Variants in CTSC observed in about 807,000 individuals in gnomAD.
CTSC encodes the protein dipeptidyl peptidase 1.
In CTSC, 37 loss-of-function variants were observed where a neutral mutation model predicts 40.9. That is an observed-to-expected ratio of 0.91 (90% CI 0.70 to 1.19). The LOEUF is 1.19. Ranked by LOEUF, CTSC falls within the 50% of genes most tolerant of loss-of-function variation. The probability of loss-of-function intolerance (pLI) is 0.00; values close to 1 mark genes in which losing one functional copy is unlikely to be tolerated. For missense variants in CTSC, 594 were observed against 567.3 expected (o/e 1.05, Z -0.48); for synonymous variants, 232 against 207.4 (o/e 1.12, Z -1.02).
intron 1 of CTSC, 120 bp downstream of exon 1, chr11:88,337,381 C>CAAGAT: frequency 9.4e-7 from 1 of 1,061,310 alleles, no homozygotes; most frequent in Non-Finnish European, 1.4e-6. Flanking sequence ...CGAATCCAGT[C>CAAGAT]AAGATGCTCT....
intron 2 of CTSC, among the ~76,000 whole-genome samples, chr11:88,330,138 T>C (rs1565264684): frequency 6.6e-6 from 1 of 152,190 alleles, no homozygotes; most frequent in Non-Finnish European, 1.5e-5. Flanking sequence ...TGTCTTTTGT[T>C]TTGGCCAGCC....
At position 88,309,309 on chromosome 11, in the gene CTSC, A is replaced by C. The variant is rs766931085; in HGVS notation, c.495T>G (p.Asn165Lys). 6.2e-7 allele frequency: 1 copy of C among 1,613,486 alleles called. No individual in the cohort carries two copies. The highest frequency in any genetic ancestry group is 8.5e-7 in the Non-Finnish European group (1 of 1,179,422). The part of the protein sequence containing the change: ...HLKNSQEKYS[N>K]RLYKYDHNFV... ...AGTTGTGATCATACTTGTAGAGCCT[A>C]TTAGAATACCTGTCCCCAAAAATGA... The change falls in exon 4 of 7, where the codon AAT becomes AAG. Residue 165 changes from asparagine (N) to lysine (K), a missense_variant. By Grantham distance (94) the Asn-to-Lys change is moderately conservative (BLOSUM62 0). Transcript: ENST00000227266.
At chr11:88,305,155 G>T (rs948027657) in intron 4 of CTSC, among the ~76,000 whole-genome samples, 1 of 151,960 alleles carries the variant, frequency 6.6e-6, no homozygotes, top group Non-Finnish European at 1.5e-5. Flanking sequence ...TCTAAAAAGG[G>T]GAGGCATGAA....
intron 4 of CTSC, 23 bp from the exon 5 acceptor site, chr11:88,300,668 A>G (rs1591222482): frequency 2.8e-5 from 37 of 1,307,140 alleles, no homozygotes; most frequent in Non-Finnish European, 4.0e-5. Flanking sequence ...TATACATTTG[A>G]TATCAACATA....
chr11:88,298,625 A>G lies in CTSC; in HGVS notation c.757+1905T>C, dbSNP rs149350305. On this transcript the variant is annotated intron_variant, in intron 5 of 6. Coordinates refer to ENST00000227266, the MANE Select transcript of CTSC (RefSeq NM_001814.6). The stretch of plus-strand genomic sequence containing the variant: ...CCAACTTACAGTATAGAATACCAAA[A>G]GAAAGTCAAAAGAGGAAACTTTAAG... 2.7e-3 allele frequency: 411 copies of G among 152,336 alleles called. 2 individuals are homozygous for G. Among genetic ancestry groups the G allele is most frequent in the African/African-American group, 9.5e-3 (394 of 41,592 alleles). The allele number at this position is 152,336 out of a possible 1,614,324, so 9.4% of individuals were successfully genotyped here.
intron 4 of CTSC, among the ~76,000 whole-genome samples, chr11:88,306,744 C>G (rs935298278): frequency 5.9e-5 from 9 of 152,244 alleles, no homozygotes; most frequent in Non-Finnish European, 1.3e-4. Context: ...TTCTGGTACA[C>G]TGAGCAAGAA....
chr11:88,332,825 A>G (rs1938398246), intron 2 of CTSC, among the ~76,000 whole-genome samples: 1 of 152,206 alleles, frequency 6.6e-6, no homozygotes, highest in Admixed American at 6.5e-5. Flanking sequence ...TGTTATTCCT[A>G]ATGAAAGAAT....
chr11:88,309,350 A>C, intron 3 of CTSC, 32 bp from the exon 4 acceptor site: 1 of 1,556,470 alleles, frequency 6.4e-7, no homozygotes, highest in East Asian at 2.2e-5. Context: ...TTTCAGATAT[A>C]GTCTTTACTG....
At chr11:88,302,320 A>G (rs1944373968) in intron 4 of CTSC, among the ~76,000 whole-genome samples, 1 of 152,074 alleles carries the variant, frequency 6.6e-6, no homozygotes, top group Non-Finnish European at 1.5e-5. Context: ...TAGATATAAC[A>G]CAGGTTAAGA....
At chr11:88,325,329 G>A (rs1246960487) in intron 2 of CTSC, 7 of 985,262 alleles carry the variant, frequency 7.1e-6, no homozygotes, top group Non-Finnish European at 8.4e-6. Flanking sequence ...AAGAAAGTCA[G>A]TAGCCTAATA....
chr11:88,336,238 T>TAAAAAA (rs3079112), intron 1 of CTSC, among the ~76,000 whole-genome samples: 1 of 127,206 alleles, frequency 7.9e-6, no homozygotes, highest in African/African-American at 3.0e-5. Context: ...AACTCAAATT[T>TAAAAAA]AAAAAAAAAA....
chr11:88,328,437 A>G (rs1938252327), intron 2 of CTSC, among the ~76,000 whole-genome samples: 1 of 152,208 alleles, frequency 6.6e-6, no homozygotes, highest in African/African-American at 2.4e-5. Context: ...TAAGTCTTCT[A>G]AAATTGTTAT....
intron 2 of CTSC, among the ~76,000 whole-genome samples, chr11:88,334,496 G>A (rs1218313440): frequency 6.6e-6 from 1 of 152,168 alleles, no homozygotes. Flanking sequence ...TTAAGATAAT[G>A]AATCATTTAG....
intron 5 of CTSC, chr11:88,296,560 G>GCC: frequency 2.7e-6 from 1 of 373,056 alleles, no homozygotes; most frequent in Non-Finnish European, 5.1e-6. Context: ...CAATATTCTT[G>GCC]ATAATGATGA....
At chr11:88,331,320 T>A (rs746386801) in intron 2 of CTSC, among the ~76,000 whole-genome samples, 1 of 152,224 alleles carries the variant, frequency 6.6e-6, no homozygotes, top group Non-Finnish European at 1.5e-5. Context: ...GAACTTCTGA[T>A]GGACTGGCTT....
At chr11:88,303,238 A>G (rs937736540) in intron 4 of CTSC, among the ~76,000 whole-genome samples, 25 of 152,142 alleles carry the variant, frequency 1.6e-4, no homozygotes, top group Non-Finnish European at 4.4e-5. Flanking sequence ...CAAGCAACCA[A>G]TTTCACAGTG....
chr11:88,304,120 A>G (rs900697932), intron 4 of CTSC, among the ~76,000 whole-genome samples: 1 of 152,212 alleles, frequency 6.6e-6, no homozygotes, highest in Non-Finnish European at 1.5e-5. Context: ...GTTTGGCAGC[A>G]TAATGTAATT....
intron 2 of CTSC, among the ~76,000 whole-genome samples, chr11:88,316,190 C>G (rs752601107): frequency 6.6e-6 from 1 of 152,104 alleles, no homozygotes; most frequent in Admixed American, 6.5e-5. Flanking sequence ...GGGTTTTTGA[C>G]GCAGAACAGA....
At chr11:88,310,734 T>A (rs1037615394) in intron 3 of CTSC, among the ~76,000 whole-genome samples, 1 of 152,234 alleles carries the variant, frequency 6.6e-6, no homozygotes, top group Non-Finnish European at 1.5e-5. Flanking sequence ...CTGTATCATA[T>A]GTATGACTAC....
Sources: gnomAD v4.1 joint callset for allele counts (sites outside exome capture counted in the v4.1 genomes callset) on GRCh38, gnomAD v4.1.1 for gene constraint, MANE v1.5 for transcripts, NCBI Gene and HGNC (gene_info 2026-07-23, HGNC 2026-07-21) for gene names.